The following IGF2R variants were observed in gnomAD, a reference collection of about 807,000 sequenced individuals.
The protein encoded by IGF2R is cation-independent mannose-6-phosphate receptor.
IGF2R carries 91 observed loss-of-function variants against 270.6 expected under a neutral mutation model. That is an observed-to-expected ratio of 0.34 (90% CI 0.28 to 0.40). IGF2R has a LOEUF of 0.40. Ranked by LOEUF, IGF2R falls within the 10% of genes least tolerant of loss-of-function variation. The pLI, the probability that IGF2R is intolerant of heterozygous loss-of-function variation, is 1.00. For missense variants in IGF2R, 2,805 were observed against 3,188.3 expected (o/e 0.88, Z 2.90); for synonymous variants, 1,316 against 1,258.9 (o/e 1.05, Z -0.96).
At chr6:160,046,411 CCT>C in intron 14 of IGF2R, 85 bp from the exon 15 acceptor site, 1 of 1,336,568 alleles carries the variant, frequency 7.5e-7, no homozygotes, top group South Asian at 1.5e-5. Flanking sequence ...CTGGGAAGAA[CCT>C]CTCCCTTTCA....
Position 160,085,086 on chromosome 6 carries a change from G to A in IGF2R, c.6160G>A (p.Val2054Ile), listed in dbSNP as rs1449697283. 7 of 1,613,986 alleles carry A rather than the reference G, an allele frequency of 4.3e-6. No individual in the cohort carries two copies. The highest frequency in any genetic ancestry group is 2.2e-5 in the South Asian group (2 of 91,078). ...SICRRTTTGD[V>I]QVLGLVHTQK... is the part of the protein sequence containing the mutation. ...TTGCAGAAGGACCACAACTGGTGAC[G>A]TCCAGGTCCTGGGACTCGTTCACAC... Residue 2054 changes from valine to isoleucine, a missense_variant, in exon 41 of 48, where the codon GTC (valine) becomes ATC (isoleucine). This residue lies in a region of IGF2R where 1,851 missense variants were observed against 2,207.2 expected (regional missense o/e 0.84). Transcript: ENST00000356956.
chr6:160,045,758 T>G lies in IGF2R; in HGVS notation c.1779T>G (p.Ser593Arg). 1.2e-6 allele frequency: 2 copies of G among 1,614,186 alleles called. No homozygotes were observed. ...CCCCATTGACAGGTGATCTGGAAAGTGCACCAGTGTTGAGAACTTCTGGGG... is the reference window on the plus strand; with the variant it reads ...CCCCATTGACAGGTGATCTGGAAAGGGCACCAGTGTTGAGAACTTCTGGGG... ...TLVCKPGDLE[S>R]APVLRTSGEG... Residue 593 changes from serine to arginine, a missense_variant, in exon 14 of 48, where the codon AGT becomes AGG. By Grantham distance (110) the Ser-to-Arg change is moderately radical. Coordinates refer to ENST00000356956, the MANE Select transcript of IGF2R (RefSeq NM_000876.4).
chr6:160,000,598 C>T (rs899160452), intron 2 of IGF2R, among the ~76,000 whole-genome samples: 3 of 151,920 alleles, frequency 2.0e-5, no homozygotes, highest in African/African-American at 4.8e-5. Context: ...GAGAAGTTGG[C>T]AGAAATTTAA....
chr6:159,972,811 G>A (rs1244001606), intron 1 of IGF2R, among the ~76,000 whole-genome samples: 1 of 152,212 alleles, frequency 6.6e-6, no homozygotes, highest in Non-Finnish European at 1.5e-5. Flanking sequence ...TCTGAGTTGT[G>A]CATTGAACAG....
chr6:160,079,597 C>T lies in IGF2R; in HGVS notation c.5496C>T (p.Arg1832=), dbSNP rs745995269. ...TSTFKVTRDS[R]TYSVGVCTFA... is the part of the protein sequence containing the mutation. The stretch of plus-strand genomic sequence containing the variant: ...TTGTCCAGGTGACTCGCGACTCGCG[C>T]ACCTACAGCGTTGGGGTGTGCACCT... The change falls in exon 38 of 48, where the codon CGC becomes CGT. Residue 1832 remains arginine, a synonymous_variant. Transcript: ENST00000356956. 8 of 1,459,872 alleles carry T rather than the reference C, an allele frequency of 5.5e-6. No individual in the cohort carries two copies. Among genetic ancestry groups the T allele is most frequent in the Non-Finnish European group, 3.6e-6 (4 of 1,101,896 alleles). 90.4% of individuals were successfully genotyped at this position (1,459,872 alleles called of 1,614,324 possible).
intron 1 of IGF2R, among the ~76,000 whole-genome samples, chr6:159,978,863 G>A (rs3777417): frequency 0.02 from 3,018 of 152,200 alleles, 83 homozygotes; most frequent in East Asian, 0.11. Flanking sequence ...TGTGCTTTTC[G>A]ATCCCCTGGG....
At chr6:160,029,716 A>T in intron 7 of IGF2R, 61 bp downstream of exon 7, 3 of 1,239,302 alleles carry the variant, frequency 2.4e-6, no homozygotes, top group East Asian at 4.7e-5. Flanking sequence ...GCCCATGCGA[A>T]CGCGTTTCTG....
intron 31 of IGF2R, among the ~76,000 whole-genome samples, chr6:160,071,378 G>A (rs1237068546): frequency 6.6e-6 from 1 of 152,212 alleles, no homozygotes; most frequent in Non-Finnish European, 1.5e-5. Context: ...GGGTTTACCT[G>A]GGAAGGAAGG....
intron 47 of IGF2R, 24 bp from the exon 48 acceptor site, chr6:160,104,650 G>C: frequency 6.3e-7 from 1 of 1,598,740 alleles, no homozygotes; most frequent in Non-Finnish European, 8.5e-7. Flanking sequence ...GGCTCACGTG[G>C]TCTCTGCTGT....
At chr6:160,074,981 A>C (rs1222431755) in intron 35 of IGF2R, among the ~76,000 whole-genome samples, 1 of 152,172 alleles carries the variant, frequency 6.6e-6, no homozygotes, top group Non-Finnish European at 1.5e-5. Context: ...CAAATGTTAA[A>C]AGATGTAGAA....
intron 2 of IGF2R, among the ~76,000 whole-genome samples, chr6:159,995,121 G>A (rs943524351): frequency 2.6e-5 from 4 of 151,944 alleles, no homozygotes; most frequent in Non-Finnish European, 5.9e-5. Context: ...GAGTGCTTTG[G>A]TGTGGGGTGC....
rs986116914 is a variant in IGF2R, at chr6:160,103,772, C to T, written c.7022C>T (p.Thr2341Ile). 3 of 1,611,912 alleles carry T rather than the reference C, an allele frequency of 1.9e-6. No homozygotes were observed. Among genetic ancestry groups the T allele is most frequent in the Non-Finnish European group, 1.7e-6 (2 of 1,178,010 alleles). The part of the protein sequence containing the change: ...RRETVISKLT[T>I]CCRRSSNVSY... ...GAAACAGTGATAAGTAAGCTGACCA[C>T]TTGCTGTAGGAGAAGTTCCAACGTG... Residue 2341 changes from threonine to isoleucine, a missense_variant, in exon 47 of 48, where the codon ACT (threonine) becomes ATT (isoleucine). Physicochemically the swap from Thr to Ile is moderately conservative, Grantham distance 89. Coordinates refer to ENST00000356956, the MANE Select transcript of IGF2R (RefSeq NM_000876.4).
chr6:160,047,547 GGTACAAAAC>G (rs966114601), intron 16 of IGF2R, among the ~76,000 whole-genome samples: 11 of 152,048 alleles, frequency 7.2e-5, no homozygotes, highest in Non-Finnish European at 1.2e-4. Context: ...GTCAGTTTTG[GGTACAAAAC>G]ATACAAAAGC....
At chr6:159,997,853 C>T (rs1420755364) in intron 2 of IGF2R, among the ~76,000 whole-genome samples, 1 of 152,192 alleles carries the variant, frequency 6.6e-6, no homozygotes, top group East Asian at 1.9e-4. Context: ...AATTGCTAAA[C>T]ACAGTTAAAA....
rs1043663061 is a variant in IGF2R, at chr6:160,050,976, CA to C, written c.2694+325del. Reference sequence around the variant, plus strand: ...AGTTCTTGTGAGTTGAGGATCGTGGCAGTGGAACGGGGCTTAGAGATAGTTT... The same window carrying C: ...AGTTCTTGTGAGTTGAGGATCGTGGCGTGGAACGGGGCTTAGAGATAGTTT... On this transcript the variant is annotated intron_variant, in intron 19 of 47. Transcript: ENST00000356956. This position sits in a 1 kb window ranked among gnomAD's most constrained non-coding sequence, Gnocchi z 4.0. Among the ~76,000 whole-genome samples, 1 of 152,108 alleles carries C rather than the reference CA, an allele frequency of 6.6e-6. No homozygotes were observed. The highest frequency in any genetic ancestry group is 2.4e-5 in the African/African-American group (1 of 41,430).
chr6:160,099,557 C>T (rs895401908), intron 45 of IGF2R, among the ~76,000 whole-genome samples: 3 of 151,986 alleles, frequency 2.0e-5, no homozygotes, highest in East Asian at 1.9e-4. Flanking sequence ...TTAGTAGAGA[C>T]GGGGTTTCAC....
At chr6:160,012,774 TTTTTG>T (rs1222064710) in intron 4 of IGF2R, among the ~76,000 whole-genome samples, 2 of 127,746 alleles carry the variant, frequency 1.6e-5, no homozygotes, top group African/African-American at 2.9e-5. Flanking sequence ...TTTTTTTTTT[TTTTTG>T]TTTGTTTGTT....
chr6:160,096,289 G>A (rs766265027), intron 44 of IGF2R, 150 bp from the exon 45 acceptor site: 10 of 662,294 alleles, frequency 1.5e-5, no homozygotes, highest in Non-Finnish European at 2.6e-5. Flanking sequence ...GGCCTCGTAA[G>A]CTGTGAACAG....
chr6:160,060,250 C>T (rs1170355399), intron 22 of IGF2R, among the ~76,000 whole-genome samples: 9 of 145,640 alleles, frequency 6.2e-5, no homozygotes, highest in African/African-American at 1.8e-4. Flanking sequence ...ACCATTGGAG[C>T]GAGTGTGTAA....
Sources: gnomAD v4.1 joint callset for allele counts (sites outside exome capture counted in the v4.1 genomes callset) on GRCh38, gnomAD v4.1.1 for gene constraint, gnomAD v4.1.1 regional missense constraint, Gnocchi (gnomAD v3.1) non-coding constraint, MANE v1.5 for transcripts, NCBI Gene and HGNC (gene_info 2026-07-23, HGNC 2026-07-21) for gene names.